Variants in MID1 observed in about 807,000 individuals in gnomAD.
MID1 encodes the protein E3 ubiquitin-protein ligase Midline-1.
A neutral mutation model predicts 40.4 loss-of-function variants in MID1; 7 were observed. That is an observed-to-expected ratio of 0.17 (90% CI 0.10 to 0.33). The LOEUF is 0.33. Ranked by LOEUF, MID1 falls within the 10% of genes least tolerant of loss-of-function variation. The pLI is 1.00. For synonymous variants in MID1, 229 were observed against 221.2 expected, an observed-to-expected ratio of 1.04 and a Z score of -0.31; for missense variants, 367 against 558.5, an observed-to-expected ratio of 0.66 and a Z score of 3.46.
intron 3 of MID1, among the ~76,000 whole-genome samples, chrX:10,516,590 GT>G (rs1932438717): frequency 1.2e-5 from 1 of 83,676 alleles, no homozygotes; most frequent in African/African-American, 6.9e-5. Flanking sequence ...GTGTGTGTGT[GT>G]GTGTGTGTGT....
chrX:10,591,136 A>G (rs1935290074), intron 1 of MID1, among the ~76,000 whole-genome samples: 1 of 112,296 alleles, frequency 8.9e-6, no homozygotes, highest in Non-Finnish European at 1.9e-5. Flanking sequence ...AAGAACAGTG[A>G]GCTTTCAAGG....
chrX:10,724,221 C>A (rs2043375800), intron 1 of MID1, among the ~76,000 whole-genome samples: 1 of 110,836 alleles, frequency 9.0e-6, no homozygotes, highest in South Asian at 3.9e-4. Context: ...CCACCACACC[C>A]GGTAATTTTT....
rs753662440 is a variant in MID1 at position 10,567,414 on chromosome X, T to C, written c.134A>G (p.Asn45Ser). 2.3e-5 allele frequency: 28 copies of C among 1,207,023 alleles called. No homozygotes were observed. Among genetic ancestry groups the C allele is most frequent in the East Asian group, 1.2e-4 (4 of 33,691 alleles). Residue 45 changes from asparagine (N) to serine (S), a missense_variant, in exon 2 of 10, where the codon AAC becomes AGC. Around this residue, in one of 3 missense-constraint regions of MID1, gnomAD observed 78 missense variants for 112.6 expected, o/e 0.69. Transcript: ENST00000317552. Reference sequence around the variant, plus strand: ...GGCGGTGATGGACTCCACAGACTCGTTGGTGGCACAGTGTGATACTAGGAT... The same window carrying C: ...GGCGGTGATGGACTCCACAGACTCGCTGGTGGCACAGTGTGATACTAGGAT... ...HRILVSHCAT[N>S]ESVESITAFQ...
intron 1 of MID1, among the ~76,000 whole-genome samples, chrX:10,681,437 A>T (rs1481033069): frequency 8.9e-6 from 1 of 112,109 alleles, no homozygotes; most frequent in East Asian, 2.8e-4. Context: ...CGTGGCTGAC[A>T]GTTGATGCTG....
At chrX:10,587,260 C>T (rs1331984997) in intron 1 of MID1, among the ~76,000 whole-genome samples, 2 of 112,787 alleles carry the variant, frequency 1.8e-5, no homozygotes, top group Non-Finnish European at 3.7e-5. Flanking sequence ...CAGTAAAGGT[C>T]CACCACAATA....
chrX:10,525,211 T>C (rs894333390), intron 2 of MID1, among the ~76,000 whole-genome samples: 1 of 112,486 alleles, frequency 8.9e-6, no homozygotes, highest in Non-Finnish European at 1.9e-5. Flanking sequence ...AAAGAACCAC[T>C]TTCATCTAAG....
intron 1 of MID1, among the ~76,000 whole-genome samples, chrX:10,679,965 C>T (rs190802997): frequency 1.9e-3 from 212 of 112,375 alleles, no homozygotes; most frequent in African/African-American, 6.7e-3. Context: ...ACAGGTAATA[C>T]ACACACGTAA....
chrX:10,777,590 G>C (rs1384602495), intron 1 of MID1, among the ~76,000 whole-genome samples: 1 of 107,655 alleles, frequency 9.3e-6, no homozygotes, highest in Non-Finnish European at 1.9e-5. Flanking sequence ...GCCCAGGCCG[G>C]AGTGCGGTGG....
chrX:10,641,674 A>G (rs1426392780), intron 1 of MID1, among the ~76,000 whole-genome samples: 2 of 111,986 alleles, frequency 1.8e-5, no homozygotes, highest in Non-Finnish European at 3.8e-5. Flanking sequence ...TATAAGGCCA[A>G]CATCATCCTG....
intron 1 of MID1, among the ~76,000 whole-genome samples, chrX:10,774,978 C>A (rs1466459240): frequency 1.8e-5 from 2 of 110,638 alleles, no homozygotes; most frequent in Non-Finnish European, 3.8e-5. Flanking sequence ...AAGTTTTTCT[C>A]CAGTTCTAGA....
chrX:10,784,188 T>C (rs2043865061), intron 1 of MID1, among the ~76,000 whole-genome samples: 1 of 111,100 alleles, frequency 9.0e-6, no homozygotes, highest in South Asian at 3.7e-4. Context: ...GTAATAAACC[T>C]CATTAGATTT....
rs1458188819 is a variant in MID1 at position 10,572,129 on chromosome X, TTCTC to T, written c.-56-4530_-56-4527del. 5.5e-5 allele frequency among the ~76,000 whole-genome samples: 5 copies of T among 90,857 alleles called. No individual in the cohort carries two copies. The Admixed American group carries it at 6.0e-4, about 11-fold the overall frequency. The allele number at this position is 90,857 out of a possible 115,157, so 78.9% of individuals were successfully genotyped here. A position where few individuals can be genotyped will look rare whatever the true frequency, so the allele number is the denominator to read the frequency against. ...ACTCTCTCTCTCTCTCTCTCTCTCT[TTCTC>T]TCTCCCTTTCTCTCTCTCTTTCTCT... On this transcript the variant is annotated intron_variant, in intron 1 of 9. Transcript: ENST00000317552.
At chrX:10,726,672 G>A (rs749433435) in intron 1 of MID1, among the ~76,000 whole-genome samples, 1 of 112,537 alleles carries the variant, frequency 8.9e-6, no homozygotes, top group Admixed American at 9.4e-5. Flanking sequence ...AAGAACAGCA[G>A]GGTTTACCTT....
At chrX:10,827,036 A>C (rs1421392937) in intron 1 of MID1, among the ~76,000 whole-genome samples, 1 of 111,759 alleles carries the variant, frequency 8.9e-6, no homozygotes, top group Admixed American at 9.5e-5. Context: ...AAAGCAGTAA[A>C]TATGGCAACT....
intron 1 of MID1, among the ~76,000 whole-genome samples, chrX:10,653,067 T>C (rs1936333647): frequency 8.9e-6 from 1 of 111,732 alleles, no homozygotes; most frequent in Non-Finnish European, 1.9e-5. Context: ...TAATTGACTT[T>C]TGTGGCCTCA....
intron 1 of MID1, among the ~76,000 whole-genome samples, chrX:10,698,083 C>T (rs1164364417): frequency 6.2e-5 from 7 of 112,155 alleles, no homozygotes; most frequent in Admixed American, 2.8e-4. Context: ...TCTTTAATTG[C>T]GTGTTTCTAA....
chrX:10,734,478 C>T (rs1290943402), intron 1 of MID1, among the ~76,000 whole-genome samples: 1 of 108,882 alleles, frequency 9.2e-6, no homozygotes, highest in Non-Finnish European at 1.9e-5. Flanking sequence ...ATAATATGTA[C>T]AACAACCCCC....
chrX:10,697,728 G>T (rs1285207379), intron 1 of MID1, among the ~76,000 whole-genome samples: 1 of 111,391 alleles, frequency 9.0e-6, no homozygotes, highest in Non-Finnish European at 1.9e-5. Flanking sequence ...GGCAGCAGGG[G>T]GTGGCTGTGT....
At chrX:10,605,016 C>T (rs1222418621) in intron 1 of MID1, among the ~76,000 whole-genome samples, 2 of 112,248 alleles carry the variant, frequency 1.8e-5, no homozygotes, top group Non-Finnish European at 3.8e-5. Flanking sequence ...TTTGAGAATG[C>T]TCAGCTGCTG....
Sources: allele counts gnomAD v4.1 joint callset (sites outside exome capture counted in the v4.1 genomes callset), GRCh38; gene constraint gnomAD v4.1.1; regional missense constraint gnomAD v4.1.1; transcripts MANE v1.5; gene names NCBI Gene and HGNC (gene_info 2026-07-23, HGNC 2026-07-21).